The following GMDS variants were observed in gnomAD, a reference collection of about 807,000 sequenced individuals.
The protein encoded by GMDS is GDP-mannose 4,6 dehydratase.
Under a neutral mutation model 49.9 loss-of-function variants are expected in GMDS, and 20 were observed. That is an observed-to-expected ratio of 0.40 (90% CI 0.28 to 0.58). The LOEUF (loss-of-function observed/expected upper bound fraction) is 0.58, where lower values mean the gene tolerates loss of function less well. GMDS is among the 20% of genes least tolerant of loss of function. GMDS has a pLI of 0.42. For synonymous variants in GMDS, 177 were observed against 178.6 expected, an observed-to-expected ratio of 0.99 and a Z score of 0.07; for missense variants, 362 against 481.4, an observed-to-expected ratio of 0.75 and a Z score of 2.32.
At chr6:1,924,722 T>TA (rs1761906260) in intron 7 of GMDS, among the ~76,000 whole-genome samples, 1 of 152,154 alleles carries the variant, frequency 6.6e-6, no homozygotes, top group African/African-American at 2.4e-5. Context: ...TTCTCTCCCT[T>TA]AGTGTTTTCT....
At chr6:2,066,099 A>G (rs1174714918) in intron 4 of GMDS, among the ~76,000 whole-genome samples, 1 of 152,158 alleles carries the variant, frequency 6.6e-6, no homozygotes. Flanking sequence ...GCCAGAAGAG[A>G]GTGGGGGCCA....
intron 7 of GMDS, among the ~76,000 whole-genome samples, chr6:1,798,305 G>C (rs1561811518): frequency 6.7e-6 from 1 of 150,364 alleles, no homozygotes; most frequent in Non-Finnish European, 1.5e-5. Flanking sequence ...AAAGTTTTAA[G>C]AATTTAAAAG....
chr6:1,796,613 A>G (rs571923093), intron 7 of GMDS, among the ~76,000 whole-genome samples: 55 of 152,348 alleles, frequency 3.6e-4, no homozygotes, highest in African/African-American at 1.1e-3. Flanking sequence ...ATTTATTTCA[A>G]TCTTCTAATA....
intron 7 of GMDS, among the ~76,000 whole-genome samples, chr6:1,845,270 G>A (rs1038447366): frequency 1.3e-5 from 2 of 152,196 alleles, no homozygotes; most frequent in Non-Finnish European, 2.9e-5. Context: ...GTTAATGGCA[G>A]AAAGTGTAAT....
chr6:1,771,383 T>A (rs960894477), intron 7 of GMDS, among the ~76,000 whole-genome samples: 6 of 152,242 alleles, frequency 3.9e-5, no homozygotes, highest in African/African-American at 1.4e-4. Context: ...TGCTACTTAA[T>A]GACTGTGACG....
At chr6:1,692,260 C>T (rs1235077206) in intron 9 of GMDS, among the ~76,000 whole-genome samples, 2 of 152,332 alleles carry the variant, frequency 1.3e-5, no homozygotes, top group African/African-American at 4.8e-5. Flanking sequence ...TTTTGGGACT[C>T]GGACTGGCTT....
rs9378683 is a variant in GMDS, at chr6:2,097,914, C to T, written c.345+17857G>A. Among the ~76,000 whole-genome samples the T allele has an allele frequency of 8.8e-4, 102 of 115,578 alleles. 1 individual carries two copies. The East Asian group carries it at 0.027, about 31-fold the overall frequency. The allele number at this position is 115,578 out of a possible 152,430, so 75.8% of individuals were successfully genotyped here. A position where few individuals can be genotyped will look rare whatever the true frequency, so the allele number is the denominator to read the frequency against. On this transcript the variant is annotated intron_variant, in intron 4 of 10. Coordinates refer to ENST00000380815, the MANE Select transcript of GMDS (RefSeq NM_001500.4). Reference sequence around the variant, plus strand: ...TTGCAGGTACTTTCTAAATTTAGTACGACTATAAAAACAAACAAAACAAAA... The same window carrying T: ...TTGCAGGTACTTTCTAAATTTAGTATGACTATAAAAACAAACAAAACAAAA...
intron 7 of GMDS, among the ~76,000 whole-genome samples, chr6:1,841,311 G>A (rs1441802238): frequency 3.9e-5 from 6 of 152,150 alleles, no homozygotes; most frequent in Non-Finnish European, 8.8e-5. Context: ...TTAGTTCAGA[G>A]GTGAACTTTA....
chr6:1,681,974 C>T (rs538152856), intron 9 of GMDS, among the ~76,000 whole-genome samples: 11 of 151,524 alleles, frequency 7.3e-5, no homozygotes, highest in East Asian at 3.9e-4. Flanking sequence ...GGATTACAGG[C>T]GTGAACCACT....
chr6:2,000,686 G>A (rs1766761114), intron 4 of GMDS, among the ~76,000 whole-genome samples: 1 of 152,106 alleles, frequency 6.6e-6, no homozygotes, highest in South Asian at 2.1e-4. Flanking sequence ...TTGAGAGACA[G>A]GGTCTCGCTC....
At chr6:1,941,651 G>A (rs1762829811) in intron 6 of GMDS, among the ~76,000 whole-genome samples, 2 of 152,152 alleles carry the variant, frequency 1.3e-5, no homozygotes, top group Non-Finnish European at 1.5e-5. Context: ...GGGTGAGACT[G>A]GGAGGACTGC....
intron 6 of GMDS, among the ~76,000 whole-genome samples, chr6:1,957,730 G>A (rs751381301): frequency 3.3e-5 from 5 of 152,212 alleles, no homozygotes. Flanking sequence ...CAGTTATCAC[G>A]AGGGTGGGAA....
At chr6:1,749,029 G>A (rs909667917) in intron 7 of GMDS, among the ~76,000 whole-genome samples, 135 of 152,210 alleles carry the variant, frequency 8.9e-4, no homozygotes, top group African/African-American at 3.1e-3. Flanking sequence ...CTTAGGAGGG[G>A]GAACAGGAAA....
rs373239062 is a variant in GMDS, at chr6:1,928,022, G to T, written c.771+2081C>A. Among the ~76,000 whole-genome samples the T allele has an allele frequency of 4.0e-4, 61 of 152,246 alleles. 1 individual carries two copies. In the South Asian group the frequency reaches 0.012, roughly 29 times the overall value. ...TACGTGCAAAATAATAAAATTGAAT[G>T]AAATTTAATCGATTTGGTTCCTTGA... On this transcript the variant is annotated intron_variant, in intron 7 of 10. Transcript: ENST00000380815.
chr6:2,159,692 T>C (rs1777294474), intron 1 of GMDS, among the ~76,000 whole-genome samples: 1 of 151,616 alleles, frequency 6.6e-6, no homozygotes, highest in Admixed American at 6.6e-5. Context: ...CTAATTTTGG[T>C]ATTTTTACTA....
At chr6:1,851,087 G>A (rs1757645741) in intron 7 of GMDS, among the ~76,000 whole-genome samples, 1 of 152,158 alleles carries the variant, frequency 6.6e-6, no homozygotes, top group Non-Finnish European at 1.5e-5. Flanking sequence ...GCTGTACGAG[G>A]TTAAGGACTT....
intron 7 of GMDS, among the ~76,000 whole-genome samples, chr6:1,927,362 T>G (rs1001918786): frequency 1.3e-5 from 2 of 151,166 alleles, no homozygotes; most frequent in African/African-American, 4.9e-5. Context: ...GGTGTATTTT[T>G]ATTCAGAGGG....
At chr6:1,696,654 C>G (rs551981324) in intron 9 of GMDS, among the ~76,000 whole-genome samples, 1 of 152,146 alleles carries the variant, frequency 6.6e-6, no homozygotes, top group Non-Finnish European at 1.5e-5. Flanking sequence ...TTCACAGATG[C>G]GGAAAGTGAG....
chr6:1,998,271 A>C (rs2127375477), intron 4 of GMDS, among the ~76,000 whole-genome samples: 1 of 152,338 alleles, frequency 6.6e-6, no homozygotes, highest in African/African-American at 2.4e-5. Context: ...GAGGATAAAC[A>C]GCCCATGAAA....
Sources: gnomAD v4.1 joint callset for allele counts (sites outside exome capture counted in the v4.1 genomes callset) on GRCh38, gnomAD v4.1.1 for gene constraint, MANE v1.5 for transcripts, NCBI Gene and HGNC (gene_info 2026-07-23, HGNC 2026-07-21) for gene names.